SGCZ: variants seen among roughly 807,000 people sequenced by gnomAD.
The protein encoded by SGCZ is sarcoglycan zeta, also known as zeta-sarcoglycan.
Under a neutral mutation model 41.3 loss-of-function variants are expected in SGCZ, and 40 were observed. The observed-to-expected ratio is 0.97, with a 90% CI of 0.75 to 1.26. The LOEUF (loss-of-function observed/expected upper bound fraction) is 1.26, where lower values mean the gene tolerates loss of function less well. SGCZ is among the 50% of genes most tolerant of loss of function. The pLI is 0.00. For synonymous variants in SGCZ, 206 were observed against 137.5 expected (o/e 1.50, Z -3.49); for missense variants, 552 against 369.8 (o/e 1.49, Z -4.04).
At chr8:14,730,298 A>T (rs865958980) in intron 1 of SGCZ, among the ~76,000 whole-genome samples, 4 of 152,286 alleles carry the variant, frequency 2.6e-5, no homozygotes, top group Middle Eastern at 3.4e-3. Context: ...TATAGAGAAA[A>T]ATAAACAGAA....
chr8:15,074,284 C>G (rs1253920425), intron 1 of SGCZ, among the ~76,000 whole-genome samples: 2 of 152,094 alleles, frequency 1.3e-5, no homozygotes, highest in South Asian at 2.1e-4. Flanking sequence ...TCTACTGGCT[C>G]TCCGAAAAAA....
At chr8:14,410,639 TA>T (rs1278825818) in intron 2 of SGCZ, among the ~76,000 whole-genome samples, 3 of 152,052 alleles carry the variant, frequency 2.0e-5, no homozygotes, top group Admixed American at 2.0e-4. Flanking sequence ...GGGAGAGCAT[TA>T]CTACAAATAC....
intron 1 of SGCZ, among the ~76,000 whole-genome samples, chr8:14,565,891 C>T (rs1011388653): frequency 6.6e-6 from 1 of 151,972 alleles, no homozygotes; most frequent in African/African-American, 2.4e-5. Context: ...CTTATTGGAA[C>T]GTCATTTTTT....
chr8:14,703,948 C>A (rs1388519776), intron 1 of SGCZ, among the ~76,000 whole-genome samples: 1 of 152,006 alleles, frequency 6.6e-6, no homozygotes, highest in Non-Finnish European at 1.5e-5. Context: ...TTTTCTGAAG[C>A]AGCGAGATGT....
chr8:14,151,709 G>A (rs756432980), intron 5 of SGCZ, among the ~76,000 whole-genome samples: 1 of 152,112 alleles, frequency 6.6e-6, no homozygotes, highest in African/African-American at 2.4e-5. Flanking sequence ...TAATGTAAAG[G>A]TCTATTATGT....
chr8:14,792,694 T>G (rs1800994724), intron 1 of SGCZ, among the ~76,000 whole-genome samples: 1 of 152,104 alleles, frequency 6.6e-6, no homozygotes, highest in African/African-American at 2.4e-5. Context: ...ATTAGGTATA[T>G]GTCCTAATGC....
intron 4 of SGCZ, among the ~76,000 whole-genome samples, chr8:14,230,440 A>C (rs1806521126): frequency 6.6e-6 from 1 of 152,112 alleles, no homozygotes. Context: ...TGAGGCAAAT[A>C]CTCATATTCC....
chr8:14,862,653 TTG>T (rs1222124117), intron 1 of SGCZ, among the ~76,000 whole-genome samples: 64 of 149,030 alleles, frequency 4.3e-4, no homozygotes, highest in African/African-American at 1.5e-3. Context: ...AAACCCACTT[TTG>T]TGTTTGGACT....
intron 1 of SGCZ, among the ~76,000 whole-genome samples, chr8:15,082,575 T>A (rs952696854): frequency 1.3e-5 from 2 of 152,090 alleles, no homozygotes; most frequent in Admixed American, 6.6e-5. Flanking sequence ...TCTTTTTTCA[T>A]TCTTGTACAC....
intron 1 of SGCZ, among the ~76,000 whole-genome samples, chr8:14,557,215 G>C (rs980358129): frequency 6.6e-6 from 1 of 151,268 alleles, no homozygotes; most frequent in African/African-American, 2.4e-5. Flanking sequence ...TGTGTTTATT[G>C]GTCATTTGTA....
rs373385786 is a variant in SGCZ at position 15,237,613 on chromosome 8, G to C, written c.11C>G (p.Ser4Ter). The C allele has an allele frequency of 6.3e-7, 1 of 1,588,168 alleles. No individual in the cohort carries two copies. The highest frequency in any genetic ancestry group is 8.6e-7 in the Non-Finnish European group (1 of 1,165,352). ...GAGCTCCTCAATGTCCAGGTTCGTT[G>C]ATCTGTCCATGGAGCGCAACTAAAC... The part of the protein sequence containing the change: MDR[S>*]TNLDIEELKM... Residue 4 changes from serine to a stop codon, truncating the protein, a stop_gained, in exon 1 of 8, where the codon TCA becomes TGA. Transcript: ENST00000382080. LOFTEE classifies it high-confidence loss of function.
intron 2 of SGCZ, among the ~76,000 whole-genome samples, chr8:14,448,612 G>T (rs564378456): frequency 6.6e-6 from 1 of 152,262 alleles, no homozygotes; most frequent in African/African-American, 2.4e-5. Context: ...TATGAATGAG[G>T]TAACAACCAT....
intron 2 of SGCZ, among the ~76,000 whole-genome samples, chr8:14,402,393 G>C (rs1487419302): frequency 6.6e-6 from 1 of 151,726 alleles, no homozygotes; most frequent in Admixed American, 6.6e-5. Context: ...TAATGCCTAG[G>C]TTTTCTTCTA....
At chr8:14,373,785 A>T (rs1242844616) in intron 2 of SGCZ, among the ~76,000 whole-genome samples, 2 of 152,126 alleles carry the variant, frequency 1.3e-5, no homozygotes, top group Non-Finnish European at 2.9e-5. Context: ...AAATCTTTCA[A>T]GACCTTTTCG....
chr8:14,930,370 G>C (rs1449289448), intron 1 of SGCZ, among the ~76,000 whole-genome samples: 1 of 152,036 alleles, frequency 6.6e-6, no homozygotes, highest in Non-Finnish European at 1.5e-5. Flanking sequence ...AAATGGGAAA[G>C]CTTTTACACT....
intron 1 of SGCZ, among the ~76,000 whole-genome samples, chr8:14,880,360 G>A (rs1054477348): frequency 1.3e-5 from 2 of 152,320 alleles, no homozygotes; most frequent in South Asian, 4.1e-4. Flanking sequence ...TGGTGGGACT[G>A]TAAACTAGTT....
At chr8:14,383,379 G>C (rs955939731) in intron 2 of SGCZ, among the ~76,000 whole-genome samples, 6 of 152,200 alleles carry the variant, frequency 3.9e-5, no homozygotes, top group Non-Finnish European at 4.4e-5. Flanking sequence ...TTATGGGAAA[G>C]AAGTCTAATG....
chr8:14,608,938 G>C (rs1384251249), intron 1 of SGCZ, among the ~76,000 whole-genome samples: 2 of 152,042 alleles, frequency 1.3e-5, no homozygotes, highest in South Asian at 4.1e-4. Flanking sequence ...GATAAAATTT[G>C]ACTCTGGTGA....
At chr8:14,723,083 A>G (rs191411495) in intron 1 of SGCZ, among the ~76,000 whole-genome samples, 1 of 152,290 alleles carries the variant, frequency 6.6e-6, no homozygotes, top group East Asian at 1.9e-4. Context: ...AAAGAAATGC[A>G]CAAATATTAA....
Sources: gnomAD v4.1 joint callset for allele counts (sites outside exome capture counted in the v4.1 genomes callset) on GRCh38, gnomAD v4.1.1 for gene constraint, MANE v1.5 for transcripts, NCBI Gene and HGNC (gene_info 2026-07-23, HGNC 2026-07-21) for gene names.